DCLK2: variants seen among roughly 807,000 people sequenced by gnomAD.
The protein encoded by DCLK2 is serine/threonine-protein kinase DCLK2.
DCLK2 carries 31 observed loss-of-function variants against 78.4 expected under a neutral mutation model. That is an observed-to-expected ratio of 0.40 (90% CI 0.30 to 0.53). The LOEUF (loss-of-function observed/expected upper bound fraction) is 0.53. DCLK2 is among the 20% of genes least tolerant of loss of function. DCLK2 has a pLI of 0.61. For synonymous variants in DCLK2, 407 were observed against 374.9 expected (o/e 1.09, Z -0.99); for missense variants, 872 against 973.7 (o/e 0.90, Z 1.39).
intron 2 of DCLK2, among the ~76,000 whole-genome samples, chr4:150,146,001 A>T (rs1422133418): frequency 2.6e-5 from 4 of 152,200 alleles, no homozygotes; most frequent in Non-Finnish European, 4.4e-5. Context: ...TTCAAATAAT[A>T]TTTGGAAATA....
At chr4:150,141,796 T>A (rs896873090) in intron 2 of DCLK2, among the ~76,000 whole-genome samples, 1 of 152,212 alleles carries the variant, frequency 6.6e-6, no homozygotes, top group African/African-American at 2.4e-5. Flanking sequence ...CTTTGAAATA[T>A]GTTTTTGTTT....
intron 2 of DCLK2, among the ~76,000 whole-genome samples, chr4:150,149,505 A>G (rs1734739236): frequency 6.6e-6 from 1 of 152,174 alleles, no homozygotes; most frequent in Admixed American, 6.5e-5. Context: ...AATAGAGAGC[A>G]TTGTGGAGAG....
chr4:150,152,479 A>C (rs1241184814), intron 2 of DCLK2, among the ~76,000 whole-genome samples: 1 of 152,064 alleles, frequency 6.6e-6, no homozygotes, highest in Non-Finnish European at 1.5e-5. Context: ...ACGGGGTTTC[A>C]CCATGTTGGC....
chr4:150,079,269 A>G lies in DCLK2; in HGVS notation c.242A>G (p.Asp81Gly). The change falls in exon 1 of 16, where the codon GAC becomes GGC. Residue 81 changes from aspartate to glycine, a missense_variant. Around this residue, in one of 3 missense-constraint regions of DCLK2, gnomAD observed 567 missense variants for 593.4 expected, o/e 0.96. Transcript: ENST00000296550. ...AAGGCGCGCTTCTACCGGAACGGGG[A>G]CCGCTACTTCAAGGGCCTGGTGTTT... Reference protein sequence around the residue: ...AKKARFYRNGDRYFKGLVFAI... With the variant: ...AKKARFYRNGGRYFKGLVFAI... 1 of 1,604,018 alleles carries G rather than the reference A, an allele frequency of 6.2e-7. No homozygotes were observed. Among genetic ancestry groups the G allele is most frequent in the Non-Finnish European group, 8.5e-7 (1 of 1,175,592 alleles).
chr4:150,080,504 C>T (rs1729181237), intron 1 of DCLK2, among the ~76,000 whole-genome samples: 1 of 152,228 alleles, frequency 6.6e-6, no homozygotes, highest in South Asian at 2.1e-4. Flanking sequence ...TACATACAGT[C>T]CGCTCTTGTG....
intron 1 of DCLK2, among the ~76,000 whole-genome samples, chr4:150,096,454 G>A (rs1450817261): frequency 6.6e-6 from 1 of 152,186 alleles, no homozygotes. Flanking sequence ...TGATTCCTCA[G>A]AGTGTAGATG....
chr4:150,205,755 T>C (rs1038354498), intron 5 of DCLK2, among the ~76,000 whole-genome samples: 2 of 152,250 alleles, frequency 1.3e-5, no homozygotes, highest in Non-Finnish European at 1.5e-5. Flanking sequence ...CTTTTCAGGT[T>C]TGTTGTTTCA....
intron 4 of DCLK2, among the ~76,000 whole-genome samples, chr4:150,202,840 T>C (rs1157282019): frequency 6.6e-6 from 1 of 152,188 alleles, no homozygotes; most frequent in Admixed American, 6.5e-5. Flanking sequence ...TGTTAACTAC[T>C]AGTTTTGTGA....
intron 12 of DCLK2, among the ~76,000 whole-genome samples, chr4:150,246,808 G>A (rs922301765): frequency 1.3e-5 from 2 of 152,142 alleles, no homozygotes; most frequent in African/African-American, 4.8e-5. Context: ...AACTGTGTAA[G>A]TGCACCTCCG....
chr4:150,225,660 T>C (rs1267902093), intron 8 of DCLK2, among the ~76,000 whole-genome samples: 1 of 152,254 alleles, frequency 6.6e-6, no homozygotes. Context: ...AAATACCTCA[T>C]TAATATCTTT....
intron 15 of DCLK2, among the ~76,000 whole-genome samples, chr4:150,250,381 G>C (rs1040313483): frequency 6.6e-6 from 1 of 152,074 alleles, no homozygotes; most frequent in Non-Finnish European, 1.5e-5. Flanking sequence ...TTGAACCAGA[G>C]GTGAGGGCAG....
chr4:150,121,106 G>A lies in DCLK2; in HGVS notation c.756+18294G>A, dbSNP rs1422813171. 6.7e-5 allele frequency among the ~76,000 whole-genome samples: 10 copies of A among 149,628 alleles called. No individual in the cohort carries two copies. The Admixed American group carries it at 6.7e-4, about 10-fold the overall frequency. On this transcript the variant is annotated intron_variant, in intron 2 of 15. Transcript: ENST00000296550. ...TACTGACAATCATCTGAGCCTTCAA[G>A]TCATAATCTTTTTGCTGGTATAGGG...
intron 2 of DCLK2, among the ~76,000 whole-genome samples, chr4:150,189,883 G>A (rs560638176): frequency 6.6e-6 from 1 of 151,772 alleles, no homozygotes; most frequent in African/African-American, 2.4e-5. Context: ...ATGCCCACCT[G>A]GAGGTCAGGA....
intron 12 of DCLK2, among the ~76,000 whole-genome samples, chr4:150,245,126 C>G (rs951456580): frequency 7.2e-5 from 11 of 152,300 alleles, no homozygotes; most frequent in African/African-American, 2.6e-4. Flanking sequence ...TAGATGTATT[C>G]TGTACTCACT....
At chr4:150,211,213 G>A (rs754164563) in intron 5 of DCLK2, among the ~76,000 whole-genome samples, 5 of 152,146 alleles carry the variant, frequency 3.3e-5, no homozygotes, top group Non-Finnish European at 5.9e-5. Flanking sequence ...GGTGCTGGCT[G>A]TTGGCAGAAG....
chr4:150,201,355 A>G (rs1041357001), intron 4 of DCLK2, among the ~76,000 whole-genome samples: 1 of 152,254 alleles, frequency 6.6e-6, no homozygotes, highest in Non-Finnish European at 1.5e-5. Context: ...GGGAGAGGTC[A>G]TGACATGGTG....
At chr4:150,116,965 G>A (rs1732142088) in intron 2 of DCLK2, among the ~76,000 whole-genome samples, 1 of 152,118 alleles carries the variant, frequency 6.6e-6, no homozygotes, top group East Asian at 1.9e-4. Flanking sequence ...GTTATCCAGG[G>A]GAGATACTCT....
At chr4:150,188,923 A>G (rs921927446) in intron 2 of DCLK2, among the ~76,000 whole-genome samples, 1 of 140,112 alleles carries the variant, frequency 7.1e-6, no homozygotes, top group African/African-American at 2.6e-5. Context: ...AAAAAAAAAA[A>G]GCCAAATAAG....
chr4:150,219,781 TA>T (rs779420683), intron 5 of DCLK2, among the ~76,000 whole-genome samples: 9 of 152,290 alleles, frequency 5.9e-5, no homozygotes, highest in Non-Finnish European at 1.0e-4. Flanking sequence ...TTTTGAAAGA[TA>T]AAAGCAAATT....
Sources: gnomAD v4.1 joint callset for allele counts (sites outside exome capture counted in the v4.1 genomes callset) on GRCh38, gnomAD v4.1.1 for gene constraint, gnomAD v4.1.1 regional missense constraint, MANE v1.5 for transcripts, NCBI Gene and HGNC (gene_info 2026-07-23, HGNC 2026-07-21) for gene names.